Variants in TMEM181 observed in about 807,000 individuals in gnomAD.
TMEM181 encodes transmembrane protein 181.
In TMEM181, 39 loss-of-function variants were observed where a neutral mutation model predicts 71.9. The observed-to-expected ratio is 0.54, with a 90% CI of 0.42 to 0.71. The LOEUF (loss-of-function observed/expected upper bound fraction) is 0.71. TMEM181 is among the 30% of genes least tolerant of loss of function. The probability of loss-of-function intolerance (pLI) is 0.00; values close to 1 mark genes in which losing one functional copy is unlikely to be tolerated. For missense variants in TMEM181, 595 were observed against 583.0 expected, an observed-to-expected ratio of 1.02 and a Z score of -0.21; for synonymous variants, 245 against 228.8, an observed-to-expected ratio of 1.07 and a Z score of -0.64.
chr6:158,602,178 C>G (rs923390265), intron 6 of TMEM181, among the ~76,000 whole-genome samples: 1 of 152,154 alleles, frequency 6.6e-6, no homozygotes, highest in Non-Finnish European at 1.5e-5. Context: ...ATGTACTTCT[C>G]CAATATGAAT....
At chr6:158,588,869 C>T (rs1334315693) in intron 5 of TMEM181, among the ~76,000 whole-genome samples, 1 of 152,188 alleles carries the variant, frequency 6.6e-6, no homozygotes, top group Non-Finnish European at 1.5e-5. Context: ...AGAGAACCAC[C>T]CGTTTGCTCT....
chr6:158,559,134 C>T (rs564122089), upstream of TMEM181, among the ~76,000 whole-genome samples: 8 of 151,758 alleles, frequency 5.3e-5, no homozygotes, highest in Non-Finnish European at 1.2e-4. Context: ...TCCTAATATC[C>T]ACCTCACCCT....
chr6:158,586,876 T>C (rs575702570), intron 5 of TMEM181, among the ~76,000 whole-genome samples: 9 of 152,134 alleles, frequency 5.9e-5, no homozygotes, highest in Non-Finnish European at 1.2e-4. Context: ...GTGTGCCTTA[T>C]GTGTGCAGCC....
intron 11 of TMEM181, among the ~76,000 whole-genome samples, chr6:158,624,532 T>TC (rs1173582141): frequency 1.3e-4 from 20 of 152,360 alleles, no homozygotes; most frequent in Admixed American, 1.0e-3. Context: ...GGGCCTGCCC[T>TC]CCCCATCACA....
At chr6:158,616,576 A>G (rs1785625129) in intron 10 of TMEM181, among the ~76,000 whole-genome samples, 1 of 152,150 alleles carries the variant, frequency 6.6e-6, no homozygotes, top group Non-Finnish European at 1.5e-5. Flanking sequence ...TTTCAAAGGG[A>G]ATGCTTCCAG....
At chr6:158,571,224 G>A (rs1782792425) in intron 1 of TMEM181, among the ~76,000 whole-genome samples, 1 of 152,162 alleles carries the variant, frequency 6.6e-6, no homozygotes, top group Non-Finnish European at 1.5e-5. Flanking sequence ...AGCCTCCCAA[G>A]TAGCTGGGAC....
At chr6:158,607,196 G>T (rs1785001337) in intron 7 of TMEM181, 48 bp from the exon 8 acceptor site, 2 of 1,496,916 alleles carry the variant, frequency 1.3e-6, no homozygotes, top group Admixed American at 1.7e-5. Context: ...AAGGCTGCAG[G>T]CAAGGTGTGA....
intron 10 of TMEM181, among the ~76,000 whole-genome samples, chr6:158,621,138 A>C (rs576801741): frequency 6.6e-6 from 1 of 152,228 alleles, no homozygotes; most frequent in East Asian, 1.9e-4. Flanking sequence ...CTAAAGGGAA[A>C]CGAATGTGCT....
Position 158,631,831 on chromosome 6 carries a change from G to A in TMEM181, c.1371G>A (p.Pro457=), listed in dbSNP as rs374121310. The A allele has an allele frequency of 1.6e-5, 26 of 1,600,884 alleles. No homozygotes were observed. The highest frequency in any genetic ancestry group is 1.4e-4 in the East Asian group (6 of 44,402). ...VIYGSDYEEM[P]LQNGQAIRAK... Reference sequence around the variant, plus strand: ...ACAGGAGTGACTATGAGGAAATGCCGCTGCAGAACGGCCAGGCCATCCGGG... The same window carrying A: ...ACAGGAGTGACTATGAGGAAATGCCACTGCAGAACGGCCAGGCCATCCGGG... Residue 457 remains proline (P), a synonymous_variant, in exon 17 of 17, where the codon CCG becomes CCA. Transcript: ENST00000684151.
At chr6:158,563,359 G>C (rs1782295913) in intron 1 of TMEM181, among the ~76,000 whole-genome samples, 1 of 152,202 alleles carries the variant, frequency 6.6e-6, no homozygotes, top group South Asian at 2.1e-4. Flanking sequence ...GGCCAGGCTG[G>C]TCTCGAACTC....
chr6:158,583,692 C>T (rs549375230), intron 3 of TMEM181, among the ~76,000 whole-genome samples: 1 of 151,698 alleles, frequency 6.6e-6, no homozygotes, highest in African/African-American at 2.4e-5. Context: ...CCCAGCTACT[C>T]GGGAGGCTGA....
chr6:158,571,550 G>C (rs1301945602), intron 1 of TMEM181, among the ~76,000 whole-genome samples: 1 of 148,310 alleles, frequency 6.7e-6, no homozygotes, highest in East Asian at 2.0e-4. Context: ...CGCCCGCCTT[G>C]GCCTCCCAAA....
Position 158,623,542 on chromosome 6 carries a change from AT to A in TMEM181, c.897-3del. ...TAATCTATAATTATTTATAATGTCA[AT>A]TTTTAGAGTTAACGAATTACATGAT... On this transcript the variant is annotated splice_polypyrimidine_tract_variant and splice_region_variant and intron_variant, in intron 10 of 16. Coordinates refer to ENST00000684151, the MANE Select transcript of TMEM181 (RefSeq NM_001376852.1). 1.3e-6 allele frequency: 2 copies of A among 1,527,142 alleles called. No individual in the cohort carries two copies. The highest frequency in any genetic ancestry group is 1.8e-6 in the Non-Finnish European group (2 of 1,125,452). 94.6% of individuals were successfully genotyped at this position (1,527,142 alleles called of 1,614,324 possible).
chr6:158,590,129 G>A (rs1410628369), intron 6 of TMEM181, among the ~76,000 whole-genome samples: 1 of 152,128 alleles, frequency 6.6e-6, no homozygotes, highest in African/African-American at 2.4e-5. Flanking sequence ...GTGAGTGGGA[G>A]GGCACTGTTC....
chr6:158,601,800 A>T (rs1035162808), intron 6 of TMEM181, among the ~76,000 whole-genome samples: 1 of 151,868 alleles, frequency 6.6e-6, no homozygotes, highest in Non-Finnish European at 1.5e-5. Context: ...TACAAAAATT[A>T]TGTGAAGTAG....
At position 158,607,354 on chromosome 6, in the gene TMEM181, C is replaced by G; in HGVS notation, c.673+11C>G. Reference sequence around the variant, plus strand: ...TGCTACTTTACAATGGTGGGTAGTTCCATTTTTACTTAGGAACTTTTCCCT... The same window carrying G: ...TGCTACTTTACAATGGTGGGTAGTTGCATTTTTACTTAGGAACTTTTCCCT... On this transcript the variant is annotated intron_variant, in intron 8 of 16. Transcript: ENST00000684151. The G allele has an allele frequency of 6.2e-7, 1 of 1,611,910 alleles. No homozygotes were observed. Among genetic ancestry groups the G allele is most frequent in the South Asian group, 1.1e-5 (1 of 91,038 alleles).
chr6:158,621,664 C>G (rs1785967728), intron 10 of TMEM181: 1 of 153,236 alleles, frequency 6.5e-6, no homozygotes, highest in Admixed American at 6.5e-5. Flanking sequence ...CCTCCCACTG[C>G]CCATCACAGT....
intron 10 of TMEM181, among the ~76,000 whole-genome samples, chr6:158,613,416 G>A (rs56240001): frequency 0.06 from 9,117 of 152,184 alleles, 374 homozygotes; most frequent in East Asian, 0.1. Flanking sequence ...TCCATAGAAG[G>A]AATCAGATAA....
intron 10 of TMEM181, among the ~76,000 whole-genome samples, chr6:158,619,448 T>G (rs1343873596): frequency 2.0e-5 from 3 of 152,212 alleles, no homozygotes; most frequent in Non-Finnish European, 4.4e-5. Context: ...ACATCCTCCT[T>G]TAGCTCGGAG....
Sources: allele counts gnomAD v4.1 joint callset (sites outside exome capture counted in the v4.1 genomes callset), GRCh38; gene constraint gnomAD v4.1.1; transcripts MANE v1.5; gene names NCBI Gene and HGNC (gene_info 2026-07-23, HGNC 2026-07-21).